SMG6: variants seen among roughly 807,000 people sequenced by gnomAD.
The protein encoded by SMG6 is SMG6 nonsense mediated mRNA decay factor.
SMG6 carries 66 observed loss-of-function variants against 142.2 expected under a neutral mutation model. That is an observed-to-expected ratio of 0.46 (90% CI 0.38 to 0.57). The LOEUF (loss-of-function observed/expected upper bound fraction) is 0.57, where lower values mean the gene tolerates loss of function less well. SMG6 is among the 20% of genes least tolerant of loss of function. The pLI, the probability that SMG6 is intolerant of heterozygous loss-of-function variation, is 0.00. For synonymous variants in SMG6, 779 were observed against 702.4 expected (o/e 1.11, Z -1.72); for missense variants, 1,793 against 1,832.0 (o/e 0.98, Z 0.39).
At chr17:2,249,134 C>T (rs1202103232) in intron 8 of SMG6, among the ~76,000 whole-genome samples, 1 of 151,882 alleles carries the variant, frequency 6.6e-6, no homozygotes, top group African/African-American at 2.4e-5. Context: ...ACCTTGTGAT[C>T]CGCCCGCCTT....
intron 13 of SMG6, among the ~76,000 whole-genome samples, chr17:2,163,771 T>C (rs1241161076): frequency 6.6e-6 from 1 of 152,118 alleles, no homozygotes; most frequent in Non-Finnish European, 1.5e-5. Flanking sequence ...GCCCTTATCT[T>C]ATTCTGTTTC....
intron 10 of SMG6, among the ~76,000 whole-genome samples, chr17:2,218,501 G>A (rs1346410051): frequency 1.3e-5 from 2 of 152,058 alleles, no homozygotes; most frequent in Non-Finnish European, 2.9e-5. Flanking sequence ...AGCCTAGATC[G>A]CACCACTGCA....
Position 2,068,803 on chromosome 17 carries a change from C to T in SMG6, c.3810G>A (p.Lys1270=). Reference sequence around the variant, plus strand: ...CGATGAGGGGCACCACCAGGATGTACTTCCTGCTCTCCAGCAGCCGCGCCA... The same window carrying T: ...CGATGAGGGGCACCACCAGGATGTATTTCCTGCTCTCCAGCAGCCGCGCCA... ...ASLARLLESR[K]YILVVPLIVI... The change falls in exon 16 of 19, where the codon AAG becomes AAA. Residue 1270 remains lysine, a synonymous_variant. Transcript: ENST00000263073. This position sits in a 1 kb window ranked among gnomAD's most constrained non-coding sequence, Gnocchi z 6.7. The T allele has an allele frequency of 6.2e-7, 1 of 1,614,194 alleles. No individual in the cohort carries two copies.
At chr17:2,289,941 C>CATATATATATATAT (rs3055883) in intron 6 of SMG6, among the ~76,000 whole-genome samples, 71 of 141,566 alleles carry the variant, frequency 5.0e-4, no homozygotes, top group Non-Finnish European at 8.1e-4. Context: ...TTATTTTATA[C>CATATATATATATAT]ATATATATAT....
intron 10 of SMG6, among the ~76,000 whole-genome samples, chr17:2,231,238 G>T (rs2073483884): frequency 6.6e-6 from 1 of 152,094 alleles, no homozygotes; most frequent in Non-Finnish European, 1.5e-5. Context: ...CTCAACTAGA[G>T]TCACCTCCCA....
At chr17:2,291,990 G>A (rs1340353063) in intron 6 of SMG6, among the ~76,000 whole-genome samples, 3 of 152,208 alleles carry the variant, frequency 2.0e-5, no homozygotes, top group South Asian at 2.1e-4. Context: ...CCTAGGAGCT[G>A]TCTCAGCTCC....
chr17:2,231,013 C>A (rs1160052152), intron 10 of SMG6, among the ~76,000 whole-genome samples: 1 of 152,050 alleles, frequency 6.6e-6, no homozygotes, highest in African/African-American at 2.4e-5. Context: ...AATGAGGGGG[C>A]CAGTTTACAC....
intron 13 of SMG6, among the ~76,000 whole-genome samples, chr17:2,094,088 C>T (rs2068794720): frequency 6.6e-6 from 1 of 152,176 alleles, no homozygotes; most frequent in Non-Finnish European, 1.5e-5. Context: ...GCTCCAAGGT[C>T]CCGGGCTTCG....
chr17:2,126,836 G>C (rs1005671414), intron 13 of SMG6, among the ~76,000 whole-genome samples: 1 of 151,956 alleles, frequency 6.6e-6, no homozygotes, highest in Non-Finnish European at 1.5e-5. Flanking sequence ...ACGATCACTC[G>C]AGGCTGAGGA....
In SMG6 at chr17:2,113,496, C is replaced by T. The variant is rs539525434; in HGVS notation, c.3358-27595G>A. Reference sequence around the variant, plus strand: ...CTCTCCAGCTGGGTCTTGAACAAAGCCGGCTTGGGAAAGGGTGCTGGCTCC... The same window carrying T: ...CTCTCCAGCTGGGTCTTGAACAAAGTCGGCTTGGGAAAGGGTGCTGGCTCC... On this transcript the variant is annotated intron_variant, in intron 13 of 18. Transcript: ENST00000263073. 3.3e-5 allele frequency among the ~76,000 whole-genome samples: 5 copies of T among 152,296 alleles called. No homozygotes were observed. In the South Asian group the frequency reaches 1.0e-3, roughly 32 times the overall value.
At chr17:2,147,196 C>T (rs147545607) in intron 13 of SMG6, among the ~76,000 whole-genome samples, 1,558 of 152,164 alleles carry the variant, frequency 0.01, 31 homozygotes, top group African/African-American at 0.035. Flanking sequence ...AGTTTGAGAC[C>T]AGCCTGGCCA....
chr17:2,079,566 G>T (rs2068353433), intron 15 of SMG6, among the ~76,000 whole-genome samples: 1 of 151,638 alleles, frequency 6.6e-6, no homozygotes, highest in Admixed American at 6.6e-5. Flanking sequence ...AACCTGGGAG[G>T]TGGAGGTTGC....
At chr17:2,282,923 C>A (rs1197116989) in intron 7 of SMG6, 64 bp from the exon 8 acceptor site, 4 of 1,538,516 alleles carry the variant, frequency 2.6e-6, no homozygotes, top group Non-Finnish European at 3.6e-6. Context: ...GTAATCCCAG[C>A]ACTTAGAGAT....
intron 13 of SMG6, among the ~76,000 whole-genome samples, chr17:2,167,925 G>A (rs1330883380): frequency 2.6e-5 from 4 of 152,004 alleles, no homozygotes; most frequent in African/African-American, 7.2e-5. Flanking sequence ...CCAGGCTGCA[G>A]TGCAGTGGCG....
intron 13 of SMG6, among the ~76,000 whole-genome samples, chr17:2,105,169 C>T (rs1239585726): frequency 2.0e-5 from 3 of 146,380 alleles, no homozygotes; most frequent in Non-Finnish European, 4.4e-5. Context: ...TCAAGCAATC[C>T]TCCCGCCTCG....
At chr17:2,277,691 A>T (rs1000347834) in intron 8 of SMG6, among the ~76,000 whole-genome samples, 1 of 152,206 alleles carries the variant, frequency 6.6e-6, no homozygotes, top group Non-Finnish European at 1.5e-5. Flanking sequence ...ATGTTCAAAT[A>T]ATAATTTTAA....
At position 2,297,830 on chromosome 17, in the gene SMG6, C is replaced by T. The variant is rs186680061; in HGVS notation, c.2040+33G>A. The T allele has an allele frequency of 8.1e-4, 1,293 of 1,595,546 alleles. 6 individuals are homozygous for T. In the African/African-American group the frequency reaches 0.015, roughly 19 times the overall value. On this transcript the variant is annotated intron_variant, in intron 3 of 18. Coordinates refer to ENST00000263073, the MANE Select transcript of SMG6 (RefSeq NM_017575.5). ...CATCGTAACTACAGAATGCTGAAGC[C>T]TTTATCCTGAGGACAAAAAGATGAC...
At chr17:2,239,174 A>G (rs2073742396) in intron 9 of SMG6, among the ~76,000 whole-genome samples, 2 of 152,260 alleles carry the variant, frequency 1.3e-5, no homozygotes, top group Non-Finnish European at 1.5e-5. Context: ...GTATGTAGGT[A>G]GATGAGTGAA....
rs2073887496 is a variant in SMG6, at chr17:2,244,566, C to A, written c.2723+92G>T. On this transcript the variant is annotated intron_variant, in intron 9 of 18. Coordinates refer to ENST00000263073, the MANE Select transcript of SMG6 (RefSeq NM_017575.5). ...CCTCTAAGAATTCACACCCTGTGCCCTCAGTTACAAACACAGTCCAGTTGC... is the reference window on the plus strand; with the variant it reads ...CCTCTAAGAATTCACACCCTGTGCCATCAGTTACAAACACAGTCCAGTTGC... 4 of 958,368 alleles carry A rather than the reference C, an allele frequency of 4.2e-6. No individual in the cohort carries two copies. In the East Asian group the frequency reaches 1.0e-4, roughly 24 times the overall value. 59.4% of individuals were successfully genotyped at this position (958,368 alleles called of 1,614,324 possible). A position where few individuals can be genotyped will look rare whatever the true frequency, so the allele number is the denominator to read the frequency against.
Sources: gnomAD v4.1 joint callset for allele counts (sites outside exome capture counted in the v4.1 genomes callset) on GRCh38, gnomAD v4.1.1 for gene constraint, Gnocchi (gnomAD v3.1) non-coding constraint, MANE v1.5 for transcripts, NCBI Gene and HGNC (gene_info 2026-07-23, HGNC 2026-07-21) for gene names.